Variants in ARHGAP22 observed in about 807,000 individuals in gnomAD.
The protein encoded by ARHGAP22 is rho GTPase-activating protein 22.
A neutral mutation model predicts 59.1 loss-of-function variants in ARHGAP22; 48 were observed. The ratio of observed to expected loss-of-function variants is 0.81; its 90% confidence interval spans 0.64 to 1.03. ARHGAP22 has a LOEUF of 1.03. ARHGAP22 is among the 50% of genes least tolerant of loss of function. The probability of loss-of-function intolerance (pLI) is 0.00; values close to 1 mark genes in which losing one functional copy is unlikely to be tolerated. For synonymous variants in ARHGAP22, 445 were observed against 416.4 expected (o/e 1.07, Z -0.84); for missense variants, 1,015 against 958.7 (o/e 1.06, Z -0.78).
chr10:48,606,737 T>A (rs2060691574), upstream of ARHGAP22, among the ~76,000 whole-genome samples: 1 of 152,204 alleles, frequency 6.6e-6, no homozygotes, highest in Non-Finnish European at 1.5e-5. Flanking sequence ...GGAATGCCCT[T>A]CCTCACATTG....
intron 3 of ARHGAP22, among the ~76,000 whole-genome samples, chr10:48,520,255 T>G (rs547546282): frequency 2.8e-4 from 43 of 152,024 alleles, no homozygotes; most frequent in Non-Finnish European, 5.0e-4. Flanking sequence ...ATCAGGGCCT[T>G]GAGGGAGACA....
At chr10:48,486,130 T>C (rs1030735981) in intron 3 of ARHGAP22, among the ~76,000 whole-genome samples, 1 of 152,094 alleles carries the variant, frequency 6.6e-6, no homozygotes, top group African/African-American at 2.4e-5. Context: ...TAGGAATTGC[T>C]TTAGGGTTTA....
intron 3 of ARHGAP22, among the ~76,000 whole-genome samples, chr10:48,523,299 GGTGA>G (rs1216173059): frequency 1.3e-5 from 2 of 152,226 alleles, no homozygotes; most frequent in Non-Finnish European, 2.9e-5. Context: ...AAGCGCGGCA[GGTGA>G]GTGTTAGGGT....
At chr10:48,608,616 T>C (rs2060765432), upstream of ARHGAP22, among the ~76,000 whole-genome samples, 1 of 152,130 alleles carries the variant, frequency 6.6e-6, no homozygotes, top group Non-Finnish European at 1.5e-5. Context: ...CACTCTCTGT[T>C]CCTGCTGCCA....
At chr10:48,636,207 A>ACAGCTTCAGCATTTCT (rs2061810877) in intron 1 of ARHGAP22, among the ~76,000 whole-genome samples, 1 of 152,194 alleles carries the variant, frequency 6.6e-6, no homozygotes, top group Admixed American at 6.5e-5. Flanking sequence ...TCTGCCCTGC[A>ACAGCTTCAGCATTTCT]CAGCTTCAGC....
At chr10:48,497,654 G>C (rs1463750500) in intron 3 of ARHGAP22, among the ~76,000 whole-genome samples, 1 of 152,114 alleles carries the variant, frequency 6.6e-6, no homozygotes, top group Non-Finnish European at 1.5e-5. Flanking sequence ...GGGCACTACC[G>C]GGGACACAGG....
chr10:48,456,912 C>T (rs377420343), intron 5 of ARHGAP22, among the ~76,000 whole-genome samples: 49 of 149,840 alleles, frequency 3.3e-4, no homozygotes, highest in African/African-American at 1.1e-3. Flanking sequence ...CTGTCCCCTT[C>T]CCCCCTCCAA....
intron 1 of ARHGAP22, among the ~76,000 whole-genome samples, chr10:48,623,108 T>G (rs2061337997): frequency 6.6e-6 from 1 of 152,264 alleles, no homozygotes; most frequent in Non-Finnish European, 1.5e-5. Flanking sequence ...TGCCAGGGAC[T>G]GCCAGCCTGC....
chr10:48,451,429 G>A (rs1400643909), intron 8 of ARHGAP22: 1 of 703,544 alleles, frequency 1.4e-6, no homozygotes, highest in Non-Finnish European at 2.6e-6. Context: ...GGGTGAGGAA[G>A]CAGGCACCAA....
At chr10:48,558,572 C>T (rs1022649911) in intron 2 of ARHGAP22, among the ~76,000 whole-genome samples, 7 of 152,048 alleles carry the variant, frequency 4.6e-5, no homozygotes, top group Non-Finnish European at 7.4e-5. Flanking sequence ...TCCCTATCTT[C>T]CCCATGCTGG....
At chr10:48,563,357 C>T (rs2057830577) in intron 2 of ARHGAP22, among the ~76,000 whole-genome samples, 1 of 152,060 alleles carries the variant, frequency 6.6e-6, no homozygotes, top group African/African-American at 2.4e-5. Flanking sequence ...CCACGCCTGG[C>T]TAATTTTTTG....
At chr10:48,519,589 G>A (rs750906637) in intron 3 of ARHGAP22, among the ~76,000 whole-genome samples, 7 of 152,240 alleles carry the variant, frequency 4.6e-5, no homozygotes, top group African/African-American at 7.2e-5. Flanking sequence ...TGCTAGTGTG[G>A]TGCCAGGCCA....
intron 1 of ARHGAP22, among the ~76,000 whole-genome samples, chr10:48,600,869 G>A (rs1257889983): frequency 6.6e-6 from 1 of 152,208 alleles, no homozygotes; most frequent in African/African-American, 2.4e-5. Flanking sequence ...AGTAGAGACT[G>A]CTGGGTGATT....
intron 1 of ARHGAP22, among the ~76,000 whole-genome samples, chr10:48,628,008 G>T (rs1003296768): frequency 5.4e-4 from 82 of 152,336 alleles, no homozygotes; most frequent in African/African-American, 1.9e-3. Flanking sequence ...TTAACACAGT[G>T]CTCTGAGACT....
At chr10:48,647,421 G>A (rs2062353955) in intron 1 of ARHGAP22, among the ~76,000 whole-genome samples, 1 of 152,094 alleles carries the variant, frequency 6.6e-6, no homozygotes, top group African/African-American at 2.4e-5. Flanking sequence ...AAATAAAAAG[G>A]CATATGAATA....
At chr10:48,488,623 A>AACC (rs1453262592) in intron 3 of ARHGAP22, among the ~76,000 whole-genome samples, 1 of 152,220 alleles carries the variant, frequency 6.6e-6, no homozygotes, top group Non-Finnish European at 1.5e-5. Context: ...ACTGAGGGAA[A>AACC]ACCCTTCTGT....
At chr10:48,631,678 T>C (rs1237165164) in intron 1 of ARHGAP22, among the ~76,000 whole-genome samples, 1 of 152,210 alleles carries the variant, frequency 6.6e-6, no homozygotes, top group Non-Finnish European at 1.5e-5. Context: ...TTCCTTATAA[T>C]ATTACTGACA....
intron 3 of ARHGAP22, among the ~76,000 whole-genome samples, chr10:48,488,000 C>T (rs1033998383): frequency 6.6e-6 from 1 of 152,170 alleles, no homozygotes; most frequent in Non-Finnish European, 1.5e-5. Context: ...CTGCAATGAG[C>T]TGTAATCATG....
At chr10:48,472,930 T>G (rs976240698) in intron 4 of ARHGAP22, among the ~76,000 whole-genome samples, 1 of 152,144 alleles carries the variant, frequency 6.6e-6, no homozygotes, top group Non-Finnish European at 1.5e-5. Context: ...TGGAAAATGG[T>G]CTGGAGGCTC....
Sources: allele counts gnomAD v4.1 joint callset (sites outside exome capture counted in the v4.1 genomes callset), GRCh38; gene constraint gnomAD v4.1.1; transcripts MANE v1.5; gene names NCBI Gene and HGNC (gene_info 2026-07-23, HGNC 2026-07-21).